Variants in HCN4 observed in about 807,000 individuals in gnomAD.
HCN4 encodes hyperpolarization activated cyclic nucleotide gated potassium channel 4.
In HCN4, 29 loss-of-function variants were observed where a neutral mutation model predicts 76.9. The observed-to-expected ratio is 0.38, with a 90% confidence interval of 0.28 to 0.51. The LOEUF (loss-of-function observed/expected upper bound fraction) is 0.51, where lower values mean the gene tolerates loss of function less well. Among genes scored for constraint, HCN4 ranks in the 20% least tolerant of loss-of-function variants. The pLI, the probability that HCN4 is intolerant of heterozygous loss-of-function variation, is 0.90. For synonymous variants in HCN4, 772 were observed against 762.5 expected, an observed-to-expected ratio of 1.01 and a Z score of -0.21; for missense variants, 1,416 against 1,715.2, an observed-to-expected ratio of 0.83 and a Z score of 3.08.
intron 3 of HCN4, among the ~76,000 whole-genome samples, chr15:73,330,645 GC>G (rs1221982511): frequency 6.6e-6 from 1 of 152,188 alleles, no homozygotes; most frequent in Non-Finnish European, 1.5e-5. Flanking sequence ...AGATGCATGA[GC>G]CACAGTGCAG....
rs1196604432 is a variant in HCN4 at position 73,322,616 on chromosome 15, A to G, written c.3477T>C (p.Gly1159=). 1 of 1,611,728 alleles carries G rather than the reference A, an allele frequency of 6.2e-7. No homozygotes were observed. Among genetic ancestry groups the G allele is most frequent in the Admixed American group, 1.7e-5 (1 of 59,806 alleles). The change falls in exon 8 of 8, where the codon GGT becomes GGC. Residue 1159 remains glycine, a synonymous_variant. Coordinates refer to ENST00000261917, the MANE Select transcript of HCN4 (RefSeq NM_005477.3). The part of the protein sequence containing the change: ...HVTLPRKTSS[G]SLPPPLSLFG... Reference sequence around the variant, plus strand: ...ACAAAGACAGAGGGGGTGGCAAAGAACCTGAGGATGTCTTCCGAGGCAGAG... The same window carrying G: ...ACAAAGACAGAGGGGGTGGCAAAGAGCCTGAGGATGTCTTCCGAGGCAGAG...
At chr15:73,332,099 C>T in intron 3 of HCN4, 32 bp downstream of exon 3, 1 of 1,610,416 alleles carries the variant, frequency 6.2e-7, no homozygotes, top group Non-Finnish European at 8.5e-7. Flanking sequence ...CCGCCTATGG[C>T]CCAGAGAGAG....
chr15:73,367,728 C>T lies in HCN4; in HGVS notation c.543G>A (p.Gln181=), dbSNP rs2151228469. ...PPQPASASCE[Q]PSVDTAIKVE... ...CTTTGATAGCGGTGTCCACCGAGGG[C>T]TGCTCGCAGGAGGCGGAGGCCGGCT... is the stretch of plus-strand genomic sequence containing the variant. The change falls in exon 1 of 8, where the codon CAG becomes CAA. Residue 181 remains glutamine (Q), a synonymous_variant. Transcript: ENST00000261917. This position sits in a 1 kb window ranked among gnomAD's most constrained non-coding sequence, Gnocchi z 7.5. 1 of 1,592,376 alleles carries T rather than the reference C, an allele frequency of 6.3e-7. No homozygotes were observed.
Position 73,329,746 on chromosome 15 carries a change from T to C in HCN4, c.1417A>G (p.Met473Val). The C allele has an allele frequency of 6.2e-7, 1 of 1,614,158 alleles. No homozygotes were observed. The highest frequency in any genetic ancestry group is 8.5e-7 in the Non-Finnish European group (1 of 1,180,002). Residue 473 changes from methionine to valine, a missense_variant, in exon 4 of 8, where the codon ATG (methionine) becomes GTG (valine). Physicochemically the swap from Met to Val is conservative, Grantham distance 21. This residue lies in a region of HCN4 where 112 missense variants were observed against 259.9 expected (regional missense o/e 0.43). Coordinates refer to ENST00000261917, the MANE Select transcript of HCN4 (RefSeq NM_005477.3). ...KQYSYALFKA[M>V]SHMLCIGYGR... ...TAGCCGATGCACAGCATGTGGCTCA[T>C]GGCCTTGAAGAGCGCGTAGGAGTAC...
rs780993950 is a variant in HCN4, at chr15:73,325,513, C to T, written c.1591-69G>A. ...GCGTCAGCAGCCAGCCCCACCACCT[C>T]GGCAGGCACCACATCCGGGCACCCA... is the stretch of plus-strand genomic sequence containing the variant. On this transcript the variant is annotated intron_variant, in intron 4 of 7. Transcript: ENST00000261917. The surrounding 1 kb of genome is among the most constrained non-coding windows in gnomAD (Gnocchi z 7.4). 55 of 1,525,492 alleles carry T rather than the reference C, an allele frequency of 3.6e-5. No individual in the cohort carries two copies. Among genetic ancestry groups the T allele is most frequent in the Middle Eastern group, 1.7e-4 (1 of 5,898 alleles). 94.5% of individuals were successfully genotyped at this position (1,525,492 alleles called of 1,614,324 possible).
intron 2 of HCN4, among the ~76,000 whole-genome samples, chr15:73,339,111 G>A (rs1302979949): frequency 6.6e-6 from 1 of 152,246 alleles, no homozygotes; most frequent in Non-Finnish European, 1.5e-5. Context: ...TGGGTCACTG[G>A]AGTGCTGAGC....
intron 1 of HCN4, among the ~76,000 whole-genome samples, chr15:73,366,060 C>T (rs2043126952): frequency 6.6e-6 from 1 of 152,202 alleles, no homozygotes; most frequent in Non-Finnish European, 1.5e-5. Flanking sequence ...GAGGGTCCCA[C>T]ATTTGCTCAC....
In HCN4 at chr15:73,329,559, C is replaced by T. The variant is rs2042920166; in HGVS notation, c.1590+14G>A. The T allele has an allele frequency of 6.2e-7, 1 of 1,613,214 alleles. No individual in the cohort carries two copies. The highest frequency in any genetic ancestry group is 1.3e-5 in the African/African-American group (1 of 74,918). ...GGAGGGACCAATGTGCGGGTGCTCC[C>T]TGGGTAGACCTACCTTTTCCTGGTA... is the stretch of plus-strand genomic sequence containing the variant. On this transcript the variant is annotated intron_variant, in intron 4 of 7. Coordinates refer to ENST00000261917, the MANE Select transcript of HCN4 (RefSeq NM_005477.3).
chr15:73,362,946 A>C (rs1181200186), intron 1 of HCN4, among the ~76,000 whole-genome samples: 1 of 152,172 alleles, frequency 6.6e-6, no homozygotes, highest in Non-Finnish European at 1.5e-5. Flanking sequence ...TGCACCCAGC[A>C]TCCTGGAAGC....
rs534310362 is a variant in HCN4, at chr15:73,365,678, C to T, written c.785+1808G>A. On this transcript the variant is annotated intron_variant, in intron 1 of 7. Coordinates refer to ENST00000261917, the MANE Select transcript of HCN4 (RefSeq NM_005477.3). ...GCCAGGCCCAGCATCCAGAAGGTCC[C>T]CGGCCAATGCTTGCTGCTGAGGGAG... 3.5e-4 allele frequency among the ~76,000 whole-genome samples: 53 copies of T among 152,284 alleles called. 1 individual carries two copies. The East Asian group carries it at 6.0e-3, about 17-fold the overall frequency.
At chr15:73,344,857 A>C (rs2043023175) in intron 1 of HCN4, among the ~76,000 whole-genome samples, 1 of 152,226 alleles carries the variant, frequency 6.6e-6, no homozygotes, top group East Asian at 1.9e-4. Context: ...ATGGCCAGTT[A>C]TTCCCAGGGA....
chr15:73,336,290 C>A (rs1282063912), intron 2 of HCN4, among the ~76,000 whole-genome samples: 1 of 152,182 alleles, frequency 6.6e-6, no homozygotes, highest in Non-Finnish European at 1.5e-5. Flanking sequence ...AAGTCTAGGG[C>A]ATCTCTGGAA....
At chr15:73,362,243 G>A (rs1414348747) in intron 1 of HCN4, among the ~76,000 whole-genome samples, 1 of 152,218 alleles carries the variant, frequency 6.6e-6, no homozygotes, top group Non-Finnish European at 1.5e-5. Flanking sequence ...ACTTCACCCT[G>A]CCACGCTGAG....
At chr15:73,336,506 T>A (rs80220430) in intron 2 of HCN4, among the ~76,000 whole-genome samples, 10,086 of 152,198 alleles carry the variant, frequency 0.066, 403 homozygotes, top group Middle Eastern at 0.082. Context: ...TAACACAAAT[T>A]GGCTCGTATG....
At chr15:73,341,073 T>C (rs1482243256) in intron 2 of HCN4, 2 of 60,468 alleles carry the variant, frequency 3.3e-5, no homozygotes, top group Non-Finnish European at 5.1e-5. Context: ...GAGGTAGGTG[T>C]GTGTGTGTGT....
chr15:73,332,760 G>A (rs2042940551), intron 2 of HCN4, among the ~76,000 whole-genome samples: 1 of 152,154 alleles, frequency 6.6e-6, no homozygotes, highest in African/African-American at 2.4e-5. Flanking sequence ...ACACACGGTA[G>A]CCACGGAACT....
chr15:73,362,920 C>T (rs2043112005), intron 1 of HCN4, among the ~76,000 whole-genome samples: 1 of 152,178 alleles, frequency 6.6e-6, no homozygotes, highest in Non-Finnish European at 1.5e-5. Flanking sequence ...GGCCCTCTGC[C>T]CCTATCGGGT....
At position 73,329,795 on chromosome 15, in the gene HCN4, TG is replaced by T; in HGVS notation, c.1372-5del. The T allele has an allele frequency of 6.2e-7, 1 of 1,611,980 alleles. No individual in the cohort carries two copies. Among genetic ancestry groups the T allele is most frequent in the Non-Finnish European group, 8.5e-7 (1 of 1,178,854 alleles). On this transcript the variant is annotated splice_region_variant and splice_polypyrimidine_tract_variant and intron_variant, in intron 3 of 7. Transcript: ENST00000261917. ...ACTGCTTCCCCCAGGAGTTGTTCTG[TG>T]GACAGACGGATGGGTGGGGACAGTG... is the stretch of plus-strand genomic sequence containing the variant.
intron 2 of HCN4, among the ~76,000 whole-genome samples, chr15:73,339,393 A>G (rs180698357): frequency 6.6e-5 from 10 of 152,308 alleles, no homozygotes; most frequent in Admixed American, 5.2e-4. Context: ...GGGAGGCAGT[A>G]GAAGCCTGGG....
Sources: gnomAD v4.1 joint callset for allele counts (sites outside exome capture counted in the v4.1 genomes callset) on GRCh38, gnomAD v4.1.1 for gene constraint, gnomAD v4.1.1 regional missense constraint, Gnocchi (gnomAD v3.1) non-coding constraint, MANE v1.5 for transcripts, NCBI Gene and HGNC (gene_info 2026-07-23, HGNC 2026-07-21) for gene names.